PLD1: variants seen among roughly 807,000 people sequenced by gnomAD.
PLD1 encodes the protein phospholipase D1.
In PLD1, 112 loss-of-function variants were observed where a neutral mutation model predicts 137.1. The ratio of observed to expected loss-of-function variants is 0.82; its 90% CI spans 0.70 to 0.96. PLD1 has a LOEUF of 0.96. PLD1 is among the 40% of genes least tolerant of loss of function. The pLI is 0.00. For missense variants in PLD1, 1,321 were observed against 1,342.0 expected (o/e 0.98, Z 0.24); for synonymous variants, 431 against 454.7 (o/e 0.95, Z 0.66).
intron 16 of PLD1, chr3:171,677,910 C>G: frequency 1.3e-5 from 5 of 393,762 alleles, no homozygotes; most frequent in African/African-American, 1.0e-4. Context: ...CAACAAGATT[C>G]ATCATTAAAC....
At chr3:171,732,793 C>T (rs1719048673) in intron 6 of PLD1, among the ~76,000 whole-genome samples, 1 of 152,078 alleles carries the variant, frequency 6.6e-6, no homozygotes, top group Admixed American at 6.5e-5. Flanking sequence ...TTAAAAACAC[C>T]CCACCTTTAA....
intron 24 of PLD1, among the ~76,000 whole-genome samples, chr3:171,618,713 AGTGTGTATGTGTGT>A (rs895541642): frequency 5.2e-5 from 7 of 134,656 alleles, no homozygotes; most frequent in Admixed American, 2.2e-4. Context: ...AAATATTAAA[AGTGTGTATGTGTGT>A]GTGTGTGTGT....
chr3:171,704,750 T>C (rs1351510702), intron 11 of PLD1, among the ~76,000 whole-genome samples: 1 of 152,146 alleles, frequency 6.6e-6, no homozygotes, highest in African/African-American at 2.4e-5. Context: ...ATAGGCTCAA[T>C]ACCAGAATGG....
At chr3:171,802,008 G>C (rs1723669037) in intron 1 of PLD1, among the ~76,000 whole-genome samples, 2 of 152,204 alleles carry the variant, frequency 1.3e-5, no homozygotes, top group South Asian at 2.1e-4. Context: ...GTTGAGAGCA[G>C]CACTTTGTTC....
In PLD1 at chr3:171,605,384, T is replaced by G; in HGVS notation, c.2915A>C (p.Glu972Ala). The change falls in exon 26 of 27, where the codon GAG (glutamate) becomes GCG (alanine). Residue 972 changes from glutamate to alanine, a missense_variant. Glu to Ala is a moderately radical substitution (Grantham distance 107, BLOSUM62 -1). Transcript: ENST00000351298. ...GTCACTCACTGGATCCTGAATGTCC[T>G]CACTTGGGTCATCAAGATAGCCAAG... The part of the protein sequence containing the change: ...VVLGYLDDPS[E>A]DIQDPVSDKF... 5 of 1,613,632 alleles carry G rather than the reference T, an allele frequency of 3.1e-6. No homozygotes were observed. Among genetic ancestry groups the G allele is most frequent in the Non-Finnish European group, 4.2e-6 (5 of 1,179,560 alleles).
intron 1 of PLD1, among the ~76,000 whole-genome samples, chr3:171,808,890 T>C (rs2108364688): frequency 7.3e-6 from 1 of 137,906 alleles, no homozygotes; most frequent in Non-Finnish European, 1.5e-5. Context: ...AATGGCTCCA[T>C]CTCGGCTCAC....
At chr3:171,783,376 G>C (rs772127955) in intron 1 of PLD1, among the ~76,000 whole-genome samples, 8 of 152,024 alleles carry the variant, frequency 5.3e-5, no homozygotes, top group Non-Finnish European at 7.4e-5. Flanking sequence ...GATAGAAAGA[G>C]GAGAGAGGCA....
chr3:171,665,719 A>G (rs1280976109), intron 19 of PLD1, among the ~76,000 whole-genome samples: 3 of 150,936 alleles, frequency 2.0e-5, no homozygotes, highest in Admixed American at 6.6e-5. Context: ...AAAAAAAAAG[A>G]CCATTTTATA....
At chr3:171,659,348 C>G (rs1737477684) in intron 20 of PLD1, 47 bp from the exon 21 acceptor site, 1 of 1,180,328 alleles carries the variant, frequency 8.5e-7, no homozygotes, top group Non-Finnish European at 1.3e-6. Flanking sequence ...ATTTTCTTAG[C>G]AATATACGTA....
intron 1 of PLD1, among the ~76,000 whole-genome samples, chr3:171,787,050 TG>T (rs1443539086): frequency 4.6e-5 from 7 of 152,214 alleles, no homozygotes; most frequent in Non-Finnish European, 7.3e-5. Flanking sequence ...CAAATATTAC[TG>T]AGTTCATATC....
chr3:171,783,235 C>T (rs1000542526), intron 1 of PLD1, among the ~76,000 whole-genome samples: 4 of 151,864 alleles, frequency 2.6e-5, no homozygotes, highest in African/African-American at 7.3e-5. Context: ...TGGAGGGTGG[C>T]GTGATTAATT....
chr3:171,648,844 G>A (rs913072000), intron 21 of PLD1, among the ~76,000 whole-genome samples: 4 of 152,276 alleles, frequency 2.6e-5, no homozygotes, highest in East Asian at 1.9e-4. Flanking sequence ...GTGAGCCACC[G>A]CACCTGGCCA....
intron 12 of PLD1, among the ~76,000 whole-genome samples, chr3:171,694,632 C>T (rs950115874): frequency 1.3e-5 from 2 of 151,100 alleles, no homozygotes; most frequent in African/African-American, 2.4e-5. Flanking sequence ...AATAGTAGAA[C>T]ATTACACCTG....
chr3:171,716,068 G>T (rs932559377), intron 8 of PLD1, among the ~76,000 whole-genome samples: 1 of 152,098 alleles, frequency 6.6e-6, no homozygotes, highest in Non-Finnish European at 1.5e-5. Context: ...ATGGCCTCCA[G>T]CTCCATCCAT....
chr3:171,771,325 G>C (rs1350085141), intron 1 of PLD1: 1 of 152,268 alleles, frequency 6.6e-6, no homozygotes, highest in Non-Finnish European at 1.5e-5. Context: ...AAATAAACGG[G>C]CAAAGCCTTC....
intron 1 of PLD1, among the ~76,000 whole-genome samples, chr3:171,744,020 G>C (rs1233043247): frequency 6.6e-6 from 1 of 152,308 alleles, no homozygotes; most frequent in Non-Finnish European, 1.5e-5. Context: ...GAAGCCTTCT[G>C]GTTGAAAAGC....
At chr3:171,746,790 C>A (rs187021039) in intron 1 of PLD1, among the ~76,000 whole-genome samples, 1 of 152,180 alleles carries the variant, frequency 6.6e-6, no homozygotes, top group South Asian at 2.1e-4. Flanking sequence ...GTAAAATGGA[C>A]GAATCAGCAG....
At chr3:171,675,366 T>A (rs1713243160) in intron 18 of PLD1, among the ~76,000 whole-genome samples, 1 of 152,262 alleles carries the variant, frequency 6.6e-6, no homozygotes, top group African/African-American at 2.4e-5. Flanking sequence ...TAAGGATTTC[T>A]GTTATTTCTA....
At chr3:171,725,115 C>G (rs929511414) in intron 7 of PLD1, among the ~76,000 whole-genome samples, 1 of 152,168 alleles carries the variant, frequency 6.6e-6, no homozygotes. Flanking sequence ...GTGCAGCACA[C>G]CAACATGGCA....
Sources: allele counts gnomAD v4.1 joint callset (sites outside exome capture counted in the v4.1 genomes callset), GRCh38; gene constraint gnomAD v4.1.1; transcripts MANE v1.5; gene names NCBI Gene and HGNC (gene_info 2026-07-23, HGNC 2026-07-21).